Variants in GPR179 observed in about 807,000 individuals in gnomAD.
GPR179 encodes probable G protein-coupled receptor 179.
A neutral mutation model predicts 70.8 loss-of-function variants in GPR179; 52 were observed. The observed-to-expected ratio is 0.73, with a 90% confidence interval of 0.59 to 0.93. The LOEUF (loss-of-function observed/expected upper bound fraction) is 0.93. Ranked by LOEUF, GPR179 falls within the 40% of genes least tolerant of loss-of-function variation. The pLI is 0.00. For synonymous variants in GPR179, 1,123 were observed against 1,169.0 expected (o/e 0.96, Z 0.80); for missense variants, 2,734 against 2,966.8 (o/e 0.92, Z 1.82).
Position 38,343,683 on chromosome 17 carries a change from G to C in GPR179, c.107C>G (p.Pro36Arg), listed in dbSNP as rs777556160. Residue 36 changes from proline (P) to arginine (R), a missense_variant, in exon 1 of 11, where the codon CCC (proline) becomes CGC (arginine). Transcript: ENST00000616987. This position sits in a 1 kb window ranked among gnomAD's most constrained non-coding sequence, Gnocchi z 4.2. ...TGGCTTGACTTGGGAAGACAGAGGG[G>C]GCAGAGAGCGGATGGGCCGTGGACC... ...LGGPRPIRSL[P>R]PLSSQVKPGS... The C allele has an allele frequency of 6.2e-7, 1 of 1,609,568 alleles. No homozygotes were observed. Among genetic ancestry groups the C allele is most frequent in the Non-Finnish European group, 8.5e-7 (1 of 1,177,034 alleles).
chr17:38,340,280 G>C (rs772808262), intron 1 of GPR179, among the ~76,000 whole-genome samples: 9 of 151,984 alleles, frequency 5.9e-5, no homozygotes, highest in Non-Finnish European at 1.3e-4. Context: ...GGGACTACAG[G>C]CATGTGCCAC....
chr17:38,336,503 C>T (rs937027145), intron 4 of GPR179, among the ~76,000 whole-genome samples: 2 of 152,184 alleles, frequency 1.3e-5, no homozygotes, highest in African/African-American at 4.8e-5. Flanking sequence ...GAATAGGGTA[C>T]CCCTTCTTGG....
At position 38,324,875 on chromosome 17, in the gene GPR179, G is replaced by T. The variant is rs2037270652; in HGVS notation, c.*1590C>A. Among the ~76,000 whole-genome samples the T allele has an allele frequency of 6.6e-6, 1 of 152,202 alleles. No individual in the cohort carries two copies. Among genetic ancestry groups the T allele is most frequent in the Non-Finnish European group, 1.5e-5 (1 of 68,040 alleles). On this transcript the variant is annotated 3_prime_UTR_variant, in exon 11 of 11. Transcript: ENST00000616987. ...CATTCCTCTGTTCCCTTTTGGAAAT[G>T]GAGTACTTTTTTACTTTCTCTGTGA... is the stretch of plus-strand genomic sequence containing the variant.
chr17:38,336,945 A>C, intron 4 of GPR179, 33 bp downstream of exon 4: 6 of 1,549,690 alleles, frequency 3.9e-6, no homozygotes, highest in Non-Finnish European at 5.2e-6. Flanking sequence ...GATGGGTCGG[A>C]CATGTGTGTA....
chr17:38,343,874 C>G lies in GPR179; in HGVS notation c.-85G>C, dbSNP rs1421824767. ...GCTGCAGTCTGGGGGCTGTCGGCCTCCACGCCTCCTATGCTGGCGTTCCTT... is the reference window on the plus strand; with the variant it reads ...GCTGCAGTCTGGGGGCTGTCGGCCTGCACGCCTCCTATGCTGGCGTTCCTT... On this transcript the variant is annotated 5_prime_UTR_variant, in exon 1 of 11. Coordinates refer to ENST00000616987, the MANE Select transcript of GPR179 (RefSeq NM_001004334.4). The surrounding 1 kb of genome is among the most constrained non-coding windows in gnomAD (Gnocchi z 4.2). 7.3e-6 allele frequency: 8 copies of G among 1,093,098 alleles called. No homozygotes were observed. The East Asian group carries it at 1.8e-4, about 25-fold the overall frequency. The allele number at this position is 1,093,098 out of a possible 1,614,324, so 67.7% of individuals were successfully genotyped here.
chr17:38,325,408 TGGAA>T lies in GPR179; in HGVS notation c.*1053_*1056del, dbSNP rs1433546507. On this transcript the variant is annotated 3_prime_UTR_variant, in exon 11 of 11. Transcript: ENST00000616987. ...CAGGACTGCCTTTCTTGAGCTCCTC[TGGAA>T]GGAGATTGATGTGGCCTCTTGTTAC... 1 of 127,328 alleles carries T rather than the reference TGGAA, an allele frequency of 7.9e-6. No individual in the cohort carries two copies. Among genetic ancestry groups the T allele is most frequent in the African/African-American group, 3.0e-5 (1 of 32,962 alleles). 7.9% of individuals were successfully genotyped at this position (127,328 alleles called of 1,614,324 possible). A position where few individuals can be genotyped will look rare whatever the true frequency, so the allele number is the denominator to read the frequency against.
At chr17:38,331,674 C>G in intron 10 of GPR179, 143 bp from the exon 11 acceptor site, 1 of 1,420,038 alleles carries the variant, frequency 7.0e-7, no homozygotes, top group South Asian at 1.6e-5. Context: ...TTCTAAAACT[C>G]TCGTAATTCA....
intron 5 of GPR179, 48 bp from the exon 6 acceptor site, chr17:38,335,748 T>C (rs2037399444): frequency 7.9e-7 from 1 of 1,267,236 alleles, no homozygotes; most frequent in Non-Finnish European, 1.2e-6. Context: ...GCTTCTGCTG[T>C]GGGCCAGGCC....
chr17:38,333,282 C>T lies in GPR179; in HGVS notation c.2006G>A (p.Ser669Asn), dbSNP rs745871545. 4 of 1,614,094 alleles carry T rather than the reference C, an allele frequency of 2.5e-6. No individual in the cohort carries two copies. The highest frequency in any genetic ancestry group is 3.4e-6 in the Non-Finnish European group (4 of 1,179,984). The change falls in exon 10 of 11, where the codon AGT (serine) becomes AAT (asparagine). Residue 669 changes from serine (S) to asparagine (N), a missense_variant. By Grantham distance (46) the Ser-to-Asn change is conservative (BLOSUM62 1). Coordinates refer to ENST00000616987, the MANE Select transcript of GPR179 (RefSeq NM_001004334.4). The stretch of plus-strand genomic sequence containing the variant: ...GTCTCCAGGGTCCAGGCTGTGCTCA[C>T]TCCAGGCTGAGGCGATGCTGCTGCC... ...YLGSSIASAW[S>N]EHSLDPGDIR...
intron 1 of GPR179, among the ~76,000 whole-genome samples, chr17:38,340,199 T>C (rs897939909): frequency 6.6e-6 from 1 of 152,210 alleles, no homozygotes; most frequent in Non-Finnish European, 1.5e-5. Flanking sequence ...TGCAGTGGCA[T>C]GATCATAGCT....
rs1250503018 is a variant in GPR179, at chr17:38,337,031, T to C, written c.1174A>G (p.Met392Val). The C allele has an allele frequency of 2.9e-5, 46 of 1,608,806 alleles. No homozygotes were observed. Among genetic ancestry groups the C allele is most frequent in the Non-Finnish European group, 3.8e-5 (45 of 1,178,506 alleles). Reference protein sequence around the residue: ...AAVLACQACCMLAIFLSMLVS... With the variant: ...AAVLACQACCVLAIFLSMLVS... Reference sequence around the variant, plus strand: ...AGCATGCTCAGGAAGATGGCCAGCATGCAGCAGGCCTGGCAGGCCAGCACA... The same window carrying C: ...AGCATGCTCAGGAAGATGGCCAGCACGCAGCAGGCCTGGCAGGCCAGCACA... Residue 392 changes from methionine to valine, a missense_variant, in exon 4 of 11, where the codon ATG (methionine) becomes GTG (valine). Met to Val is a conservative substitution (Grantham distance 21). Transcript: ENST00000616987.
intron 1 of GPR179, among the ~76,000 whole-genome samples, chr17:38,339,727 T>C (rs998502571): frequency 6.6e-6 from 1 of 152,154 alleles, no homozygotes; most frequent in Non-Finnish European, 1.5e-5. Context: ...CCTGCCCCTC[T>C]TTCTCCCCGC....
intron 9 of GPR179, 31 bp from the exon 10 acceptor site, chr17:38,333,428 A>G (rs2037376832): frequency 6.2e-7 from 1 of 1,602,328 alleles, no homozygotes; most frequent in Non-Finnish European, 8.5e-7. Context: ...TGGGAAAAAG[A>G]CTCGCCCTGG....
At position 38,343,302 on chromosome 17, in the gene GPR179, GCCAGCTGTAGGTGGCTGGCC is replaced by G. The variant is rs1424795406; in HGVS notation, c.468_487del (p.Ala157ProfsTer42). Reference sequence around the variant, plus strand: ...CTCCCCAGTCCGGGTGGCCTGCAGGGCCAGCTGTAGGTGGCTGGCCCCTGGTGGAGGGTTAAAGGTCAGCA... The same window carrying G: ...CTCCCCAGTCCGGGTGGCCTGCAGGGCCTGGTGGAGGGTTAAAGGTCAGCA... On this transcript the variant is annotated frameshift_variant, in exon 1 of 11. Coordinates refer to ENST00000616987, the MANE Select transcript of GPR179 (RefSeq NM_001004334.4). LOFTEE classifies it high-confidence loss of function. The surrounding 1 kb of genome is among the most constrained non-coding windows in gnomAD (Gnocchi z 4.2). 17 of 1,614,166 alleles carry G rather than the reference GCCAGCTGTAGGTGGCTGGCC, an allele frequency of 1.1e-5. No homozygotes were observed. The highest frequency in any genetic ancestry group is 1.4e-5 in the Non-Finnish European group (17 of 1,180,018).
In GPR179 at chr17:38,324,660, C is replaced by A. The variant is rs12939203; in HGVS notation, c.*1805G>T. ...GTGTTTGGCGGCAACTTTGCTGTTT[C>A]CAGCTAGACCAGACCCAATGGGATT... On this transcript the variant is annotated 3_prime_UTR_variant, in exon 11 of 11. Coordinates refer to ENST00000616987, the MANE Select transcript of GPR179 (RefSeq NM_001004334.4). Among the ~76,000 whole-genome samples the A allele has an allele frequency of 0.054, 6,177 of 114,960 alleles. 177 individuals carry two copies. The highest frequency in any genetic ancestry group is 0.43 in the Middle Eastern group (80 of 188). 75.4% of individuals were successfully genotyped at this position (114,960 alleles called of 152,430 possible). A position where few individuals can be genotyped will look rare whatever the true frequency, so the allele number is the denominator to read the frequency against.
chr17:38,330,767 CCT>C lies in GPR179; in HGVS notation c.2800_2801del (p.Arg934AlafsTer112). On this transcript the variant is annotated frameshift_variant, in exon 11 of 11. Transcript: ENST00000616987. LOFTEE classifies it low-confidence loss of function (END_TRUNC). ...ARRRLPHPPI[R>X]HQVSTPILAL... ...CCAAGATGGGGGTAGAAACCTGGTGCCTGATGGGTGGATGAGGCAGCCTTCTC... is the reference window on the plus strand; with the variant it reads ...CCAAGATGGGGGTAGAAACCTGGTGCGATGGGTGGATGAGGCAGCCTTCTC... 1 of 1,590,780 alleles carries C rather than the reference CCT, an allele frequency of 6.3e-7. No individual in the cohort carries two copies. The highest frequency in any genetic ancestry group is 8.6e-7 in the Non-Finnish European group (1 of 1,166,172).
In GPR179 at chr17:38,337,565, C is replaced by T. The variant is rs556165875; in HGVS notation, c.991+68G>A. Reference sequence around the variant, plus strand: ...GTCTCACCCCAATCTGGCTTTCTTCCCCAGATGTACCCTCCCAACCATCCT... The same window carrying T: ...GTCTCACCCCAATCTGGCTTTCTTCTCCAGATGTACCCTCCCAACCATCCT... On this transcript the variant is annotated intron_variant, in intron 3 of 10. Transcript: ENST00000616987. 5.8e-6 allele frequency: 8 copies of T among 1,373,116 alleles called. No homozygotes were observed. The Admixed American group carries it at 1.6e-4, about 27-fold the overall frequency. The allele number at this position is 1,373,116 out of a possible 1,614,324, so 85.1% of individuals were successfully genotyped here. A position where few individuals can be genotyped will look rare whatever the true frequency, so the allele number is the denominator to read the frequency against.
At position 38,334,071 on chromosome 17, in the gene GPR179, C is replaced by A; in HGVS notation, c.1785-33G>T. On this transcript the variant is annotated intron_variant, in intron 8 of 10. Transcript: ENST00000616987. The surrounding 1 kb of genome is among the most constrained non-coding windows in gnomAD (Gnocchi z 4.7). The stretch of plus-strand genomic sequence containing the variant: ...GGGATAGGGGCGCAGGTCATTACTG[C>A]AGGCAGGAGTTGCCTCTTCTGCTTT... 6.8e-7 allele frequency: 1 copy of A among 1,463,338 alleles called. No homozygotes were observed. The allele number at this position is 1,463,338 out of a possible 1,614,324, so 90.6% of individuals were successfully genotyped here.
chr17:38,333,316 A>T lies in GPR179; in HGVS notation c.1972T>A (p.Ser658Thr). 1 of 1,614,004 alleles carries T rather than the reference A, an allele frequency of 6.2e-7. No homozygotes were observed. The highest frequency in any genetic ancestry group is 8.5e-7 in the Non-Finnish European group (1 of 1,179,962). The change falls in exon 10 of 11, where the codon TCC becomes ACC. Residue 658 changes from serine (S) to threonine (T), a missense_variant. Physicochemically the swap from Ser to Thr is moderately conservative, Grantham distance 58. Coordinates refer to ENST00000616987, the MANE Select transcript of GPR179 (RefSeq NM_001004334.4). ...GAGGCGATGCTGCTGCCAAGGTAGG[A>T]GCCTGAGTGCTGCAGGTCCAGCTCG... The part of the protein sequence containing the change: ...EDELDLQHSG[S>T]YLGSSIASAW...
Sources: gnomAD v4.1 joint callset for allele counts (sites outside exome capture counted in the v4.1 genomes callset) on GRCh38, gnomAD v4.1.1 for gene constraint, Gnocchi (gnomAD v3.1) non-coding constraint, MANE v1.5 for transcripts, NCBI Gene and HGNC (gene_info 2026-07-23, HGNC 2026-07-21) for gene names.